The following CNIH1 variants were observed in gnomAD, a reference collection of about 807,000 sequenced individuals.
CNIH1 encodes the protein protein cornichon homolog 1.
In CNIH1, 12 loss-of-function variants were observed where a neutral mutation model predicts 20.2. That is an observed-to-expected ratio of 0.59 (90% CI 0.38 to 0.96). The LOEUF is 0.96. CNIH1 is among the 40% of genes least tolerant of loss of function. The pLI is 0.00. For missense variants in CNIH1, 152 were observed against 178.8 expected, an observed-to-expected ratio of 0.85 and a Z score of 0.85; for synonymous variants, 69 against 63.3, an observed-to-expected ratio of 1.09 and a Z score of -0.43.
chr14:54,434,831 C>G (rs936373373), intron 2 of CNIH1, among the ~76,000 whole-genome samples: 3 of 152,162 alleles, frequency 2.0e-5, no homozygotes, highest in Non-Finnish European at 2.9e-5. Context: ...CAAGAGAAGG[C>G]AAATTCATCT....
chr14:54,440,689 A>C (rs1033063017), intron 1 of CNIH1, among the ~76,000 whole-genome samples: 2 of 152,204 alleles, frequency 1.3e-5, no homozygotes, highest in Admixed American at 1.3e-4. Flanking sequence ...CTTGCATCAA[A>C]GTTCACCAGG....
At position 54,425,727 on chromosome 14, in the gene CNIH1, A is replaced by T. The variant is rs530720407; in HGVS notation, c.*2087T>A. On this transcript the variant is annotated 3_prime_UTR_variant, in exon 5 of 5. Coordinates refer to ENST00000216416, the MANE Select transcript of CNIH1 (RefSeq NM_005776.3). The stretch of plus-strand genomic sequence containing the variant: ...CACAAACTACCACAAAGATGGGTGA[A>T]ACTCCCTGTCAATCATCTTTGAGGA... The T allele has an allele frequency of 2.0e-5, 3 of 152,316 alleles. No individual in the cohort carries two copies. The highest frequency in any genetic ancestry group is 7.2e-5 in the African/African-American group (3 of 41,576). The allele number at this position is 152,316 out of a possible 1,614,324, so 9.4% of individuals were successfully genotyped here.
At position 54,424,079 on chromosome 14, in the gene CNIH1, A is replaced by G. The variant is rs1482147933; in HGVS notation, c.*3735T>C. On this transcript the variant is annotated 3_prime_UTR_variant, in exon 5 of 5. Transcript: ENST00000216416. ...TATTTAGCAATAGAACCACTCTTTTACTTTTGATATCATTCTGAGGTATTA... is the reference window on the plus strand; with the variant it reads ...TATTTAGCAATAGAACCACTCTTTTGCTTTTGATATCATTCTGAGGTATTA... 1 of 152,220 alleles carries G rather than the reference A, an allele frequency of 6.6e-6. No individual in the cohort carries two copies. The highest frequency in any genetic ancestry group is 6.5e-5 in the Admixed American group (1 of 15,280). The allele number at this position is 152,220 out of a possible 1,614,324, so 9.4% of individuals were successfully genotyped here. A position where few individuals can be genotyped will look rare whatever the true frequency, so the allele number is the denominator to read the frequency against.
chr14:54,438,630 TA>T (rs1291122274), intron 1 of CNIH1, among the ~76,000 whole-genome samples: 2 of 152,244 alleles, frequency 1.3e-5, no homozygotes, highest in East Asian at 1.9e-4. Flanking sequence ...ATCATCAGCA[TA>T]AAAAACATTC....
At chr14:54,436,773 A>T in intron 1 of CNIH1, 1 of 455,528 alleles carries the variant, frequency 2.2e-6, no homozygotes, top group African/African-American at 2.0e-5. Flanking sequence ...GTTTATCCAA[A>T]TTCCTCTTTA....
Position 54,427,125 on chromosome 14 carries a change from A to G in CNIH1, c.*689T>C, listed in dbSNP as rs138616880. The stretch of plus-strand genomic sequence containing the variant: ...TTACAAATAAAAACACATTTAAAAT[A>G]GCTTTAAATGCATTCTTCACAAGTA... On this transcript the variant is annotated 3_prime_UTR_variant, in exon 5 of 5. Coordinates refer to ENST00000216416, the MANE Select transcript of CNIH1 (RefSeq NM_005776.3). 6.6e-6 allele frequency: 1 copy of G among 152,342 alleles called. No individual in the cohort carries two copies. The highest frequency in any genetic ancestry group is 1.9e-4 in the East Asian group (1 of 5,192). The allele number at this position is 152,342 out of a possible 1,614,324, so 9.4% of individuals were successfully genotyped here.
At chr14:54,429,427 C>G (rs2030888437) in intron 4 of CNIH1, among the ~76,000 whole-genome samples, 1 of 152,190 alleles carries the variant, frequency 6.6e-6, no homozygotes, top group Non-Finnish European at 1.5e-5. Context: ...CTGAGACACC[C>G]TGACCTAGAG....
At position 54,427,785 on chromosome 14, in the gene CNIH1, T is replaced by G; in HGVS notation, c.*29A>C. ...CATTTGGTGGCTTTTTGCATGCACT[T>G]AACTGGACCAATTCTTCTGTGTGTT... On this transcript the variant is annotated 3_prime_UTR_variant, in exon 5 of 5. Transcript: ENST00000216416. The G allele has an allele frequency of 6.2e-7, 1 of 1,613,214 alleles. No individual in the cohort carries two copies. The highest frequency in any genetic ancestry group is 2.2e-5 in the East Asian group (1 of 44,868).
chr14:54,438,392 T>C (rs986583599), intron 1 of CNIH1, among the ~76,000 whole-genome samples: 14 of 152,214 alleles, frequency 9.2e-5, no homozygotes, highest in African/African-American at 3.1e-4. Context: ...TTTTTGCAGC[T>C]ATGTGGCTGA....
chr14:54,433,522 A>G (rs918538459), intron 2 of CNIH1, among the ~76,000 whole-genome samples: 2 of 152,236 alleles, frequency 1.3e-5, no homozygotes, highest in African/African-American at 2.4e-5. Context: ...CATTTAAGCC[A>G]GCATCTATTT....
At position 54,424,668 on chromosome 14, in the gene CNIH1, T is replaced by G. The variant is rs956711845; in HGVS notation, c.*3146A>C. 3.3e-5 allele frequency: 5 copies of G among 152,236 alleles called. No homozygotes were observed. Among genetic ancestry groups the G allele is most frequent in the African/African-American group, 1.2e-4 (5 of 41,454 alleles). 9.4% of individuals were successfully genotyped at this position (152,236 alleles called of 1,614,324 possible). A position where few individuals can be genotyped will look rare whatever the true frequency, so the allele number is the denominator to read the frequency against. On this transcript the variant is annotated 3_prime_UTR_variant, in exon 5 of 5. Coordinates refer to ENST00000216416, the MANE Select transcript of CNIH1 (RefSeq NM_005776.3). ...TTCTATGTAAATATTTGACATAGCT[T>G]CAAAATATATTGATTTGGGGAGCAG...
chr14:54,437,596 T>C (rs2031080037), intron 1 of CNIH1, among the ~76,000 whole-genome samples: 1 of 151,346 alleles, frequency 6.6e-6, no homozygotes, highest in Non-Finnish European at 1.5e-5. Flanking sequence ...GGGCCTAAAA[T>C]ATAAAATAGT....
chr14:54,430,746 T>G (rs1051586020), intron 3 of CNIH1, among the ~76,000 whole-genome samples: 1 of 152,216 alleles, frequency 6.6e-6, no homozygotes, highest in African/African-American at 2.4e-5. Context: ...CACCCAGATA[T>G]TCCAAATGTC....
In CNIH1 at chr14:54,441,311, G is replaced by A. The variant is rs200526483; in HGVS notation, c.17C>T (p.Ala6Val). The change falls in exon 1 of 5, where the codon GCG (alanine) becomes GTG (valine). Residue 6 changes from alanine (A) to valine (V), a missense_variant. By Grantham distance (64) the Ala-to-Val change is moderately conservative. This residue lies in a region of CNIH1 where 97 missense variants were observed against 100.6 expected (regional missense o/e 0.96). Coordinates refer to ENST00000216416, the MANE Select transcript of CNIH1 (RefSeq NM_005776.3). ...CAGCGCCAGCATGTAGCAGAAGGCCGCGAACGTGAACGCCATGGCTGGGGA... is the reference window on the plus strand; with the variant it reads ...CAGCGCCAGCATGTAGCAGAAGGCCACGAACGTGAACGCCATGGCTGGGGA... MAFTF[A>V]AFCYMLALLL... is the part of the protein sequence containing the mutation. 109 of 1,514,222 alleles carry A rather than the reference G, an allele frequency of 7.2e-5. No individual in the cohort carries two copies. Among genetic ancestry groups the A allele is most frequent in the South Asian group, 6.2e-5 (5 of 80,634 alleles). 93.8% of individuals were successfully genotyped at this position (1,514,222 alleles called of 1,614,324 possible). A position where few individuals can be genotyped will look rare whatever the true frequency, so the allele number is the denominator to read the frequency against.
At position 54,430,322 on chromosome 14, in the gene CNIH1, G is replaced by A; in HGVS notation, c.346C>T (p.Gln116Ter). 6.2e-7 allele frequency: 1 copy of A among 1,614,080 alleles called. No homozygotes were observed. Among genetic ancestry groups the A allele is most frequent in the East Asian group, 2.2e-5 (1 of 44,874 alleles). ...IMNADILAYCQKEGWCKLAFY... is the reference protein window; with the variant it reads ...IMNADILAYC Reference sequence around the variant, plus strand: ...GCTAATTTGCACCATCCTTCCTTCTGACAATATGCTAGAATATCTGCATTC... The same window carrying A: ...GCTAATTTGCACCATCCTTCCTTCTAACAATATGCTAGAATATCTGCATTC... Residue 116 changes from glutamine (Q) to a stop codon, truncating the protein, a stop_gained, in exon 4 of 5, where the codon CAG (glutamine) becomes TAG (stop). Transcript: ENST00000216416. LOFTEE classifies it high-confidence loss of function.
chr14:54,436,223 G>A lies in CNIH1; in HGVS notation c.150+146C>T. 4.3e-6 allele frequency: 3 copies of A among 694,632 alleles called. No individual in the cohort carries two copies. In the South Asian group the frequency reaches 4.6e-5, roughly 11 times the overall value. 43.0% of individuals were successfully genotyped at this position (694,632 alleles called of 1,614,324 possible). On this transcript the variant is annotated intron_variant, in intron 2 of 4. Coordinates refer to ENST00000216416, the MANE Select transcript of CNIH1 (RefSeq NM_005776.3). ...AATAATAGAATAGTCAAGCACGACA[G>A]GAAAAAGAAGATTTTTTAAATTCTG...
At position 54,441,288 on chromosome 14, in the gene CNIH1, G is replaced by A; in HGVS notation, c.40C>T (p.Leu14=). The A allele has an allele frequency of 6.6e-7, 1 of 1,522,184 alleles. No individual in the cohort carries two copies. Among genetic ancestry groups the A allele is most frequent in the Non-Finnish European group, 8.8e-7 (1 of 1,132,092 alleles). 94.3% of individuals were successfully genotyped at this position (1,522,184 alleles called of 1,614,324 possible). A position where few individuals can be genotyped will look rare whatever the true frequency, so the allele number is the denominator to read the frequency against. ...AAGATGAGCGCGGCAGTGAGCAGCA[G>A]CGCCAGCATGTAGCAGAAGGCCGCG... ...TFAAFCYMLA[L]LLTAALIFFA... is the part of the protein sequence containing the mutation. Residue 14 remains leucine, a synonymous_variant, in exon 1 of 5, where the codon CTG becomes TTG. Transcript: ENST00000216416.
At chr14:54,436,670 C>G in intron 1 of CNIH1, 1 of 558,180 alleles carries the variant, frequency 1.8e-6, no homozygotes, top group African/African-American at 1.9e-5. Flanking sequence ...TAATAAATAC[C>G]TTCAATTTTC....
intron 2 of CNIH1, among the ~76,000 whole-genome samples, chr14:54,433,988 A>G (rs895326878): frequency 6.6e-6 from 1 of 152,168 alleles, no homozygotes; most frequent in African/African-American, 2.4e-5. Flanking sequence ...AAATTTCCCC[A>G]TAAGAGACAC....
Sources: allele counts gnomAD v4.1 joint callset (sites outside exome capture counted in the v4.1 genomes callset), GRCh38; gene constraint gnomAD v4.1.1; regional missense constraint gnomAD v4.1.1; transcripts MANE v1.5; gene names NCBI Gene and HGNC (gene_info 2026-07-23, HGNC 2026-07-21).